The following IL7 variants were observed in gnomAD, a reference collection of about 807,000 sequenced individuals.
The protein encoded by IL7 is interleukin 7.
In IL7, 3 loss-of-function variants were observed where a neutral mutation model predicts 21.6. The observed-to-expected ratio is 0.14, with a 90% CI of 0.06 to 0.36. The LOEUF is 0.36. Among genes scored for constraint, IL7 ranks in the 10% least tolerant of loss-of-function variants. IL7 has a pLI of 1.00. For synonymous variants in IL7, 62 were observed against 68.1 expected, an observed-to-expected ratio of 0.91 and a Z score of 0.44; for missense variants, 175 against 200.2, an observed-to-expected ratio of 0.87 and a Z score of 0.76.
At chr8:78,690,271 CT>C (rs1563628576) in intron 3 of IL7, among the ~76,000 whole-genome samples, 1 of 152,126 alleles carries the variant, frequency 6.6e-6, no homozygotes, top group Non-Finnish European at 1.5e-5. Flanking sequence ...TTAAAATTTT[CT>C]TTGGCAGCCG....
downstream of IL7, among the ~76,000 whole-genome samples, chr8:78,713,045 C>G (rs143664677): frequency 3.2e-4 from 48 of 152,194 alleles, no homozygotes; most frequent in East Asian, 8.9e-3. Flanking sequence ...TTTGCTGATT[C>G]TACTGTCAGA....
At chr8:78,724,623 T>C (rs1170630137) in intron 3 of IL7, among the ~76,000 whole-genome samples, 1 of 152,098 alleles carries the variant, frequency 6.6e-6, no homozygotes, top group African/African-American at 2.4e-5. Flanking sequence ...TTTGGAAACA[T>C]GCTATTCAAT....
At chr8:78,760,751 G>A in intron 2 of IL7, 1 of 1,552,342 alleles carries the variant, frequency 6.4e-7, no homozygotes, top group Non-Finnish European at 8.7e-7. Context: ...ACCCTGGTGA[G>A]CTCTGCGGAA....
chr8:78,794,220 A>T (rs1272375804), intron 2 of IL7, among the ~76,000 whole-genome samples: 1 of 152,112 alleles, frequency 6.6e-6, no homozygotes, highest in African/African-American at 2.4e-5. Context: ...ACAAGGTTTC[A>T]ATTCTTTGCC....
At position 78,766,986 on chromosome 8, in the gene IL7, A is replaced by C. The variant is rs548211959; in HGVS notation, c.148-26904T>G. 2.6e-5 allele frequency among the ~76,000 whole-genome samples: 4 copies of C among 152,252 alleles called. No individual in the cohort carries two copies. The East Asian group carries it at 7.7e-4, about 29-fold the overall frequency. On this transcript the variant is annotated intron_variant, in intron 2 of 5. Transcript: ENST00000263851. Reference sequence around the variant, plus strand: ...TTTTACCAATCCTGAGAAGTAAAAAATTATGCCTCATTATAGCTTACATTT... The same window carrying C: ...TTTTACCAATCCTGAGAAGTAAAAACTTATGCCTCATTATAGCTTACATTT...
intron 3 of IL7, among the ~76,000 whole-genome samples, chr8:78,704,307 G>A (rs995260312): frequency 2.0e-5 from 3 of 148,278 alleles, no homozygotes; most frequent in Middle Eastern, 3.5e-3. Flanking sequence ...AGAATTGCTC[G>A]AACCCAGGAG....
At chr8:78,747,160 T>G (rs1030807782) in intron 2 of IL7, 45 of 445,980 alleles carry the variant, frequency 1.0e-4, no homozygotes, top group Non-Finnish European at 1.7e-4. Flanking sequence ...ATAAATAAAG[T>G]TGGTCCCTAT....
intron 5 of IL7, among the ~76,000 whole-genome samples, chr8:78,720,584 A>AT (rs547281938): frequency 3.3e-5 from 5 of 151,778 alleles, no homozygotes; most frequent in Non-Finnish European, 7.4e-5. Context: ...TATACATATG[A>AT]TTTTTTGACA....
chr8:78,715,402 A>G (rs1811069949), downstream of IL7: 6 of 1,329,678 alleles, frequency 4.5e-6, no homozygotes, highest in South Asian at 8.7e-5. Context: ...ACCATACACA[A>G]AAGTAAGTAA....
At chr8:78,761,003 G>T in intron 2 of IL7, 1 of 1,605,020 alleles carries the variant, frequency 6.2e-7, no homozygotes, top group Non-Finnish European at 8.5e-7. Flanking sequence ...ATCAAAATCT[G>T]TTACTGCACT....
chr8:78,680,197 A>G (rs769306948), intron 4 of IL7, among the ~76,000 whole-genome samples: 2 of 148,620 alleles, frequency 1.3e-5, no homozygotes, highest in Non-Finnish European at 3.0e-5. Flanking sequence ...TTTATAAGGA[A>G]TTGGGGTTGT....
chr8:78,712,109 A>G (rs746691529), intron 3 of IL7: 2 of 1,274,326 alleles, frequency 1.6e-6, no homozygotes, highest in South Asian at 2.5e-5. Context: ...ATTTACAAGT[A>G]AGTATTTGTA....
chr8:78,719,323 A>C (rs984957792), intron 5 of IL7: 1 of 151,768 alleles, frequency 6.6e-6, no homozygotes, highest in Non-Finnish European at 1.5e-5. Context: ...TGAATTTTAC[A>C]GTAGTAAATT....
chr8:78,698,800 A>C (rs1024700705), intron 3 of IL7, among the ~76,000 whole-genome samples: 1 of 152,192 alleles, frequency 6.6e-6, no homozygotes, highest in Non-Finnish European at 1.5e-5. Context: ...GACGATTTTT[A>C]TACTAACTAT....
At chr8:78,688,184 A>ATT (rs1206142162) in intron 3 of IL7, among the ~76,000 whole-genome samples, 3 of 151,468 alleles carry the variant, frequency 2.0e-5, no homozygotes, top group Non-Finnish European at 4.4e-5. Context: ...ACTACCTTTT[A>ATT]TTTTCTTCAT....
chr8:78,736,319 A>G (rs2130673298), intron 5 of IL7, among the ~76,000 whole-genome samples, 155 bp downstream of exon 5: 1 of 152,106 alleles, frequency 6.6e-6, no homozygotes, highest in African/African-American at 2.4e-5. Flanking sequence ...AAGGAATCAA[A>G]TTTTTGAGGG....
chr8:78,711,131 T>C (rs1810937572), intron 3 of IL7, among the ~76,000 whole-genome samples: 1 of 152,146 alleles, frequency 6.6e-6, no homozygotes, highest in African/African-American at 2.4e-5. Context: ...CAAATATCTC[T>C]TAAAAAGAAC....
rs531076881 is a variant in IL7, at chr8:78,779,605, T to A, written c.147+18467A>T. ...ATGAAGCCAACTTGATCATGGTGGA[T>A]AAGCTTTTCGATGTGCTCCTGGATT... On this transcript the variant is annotated intron_variant, in intron 2 of 5. Transcript: ENST00000263851. Among the ~76,000 whole-genome samples the A allele has an allele frequency of 5.9e-5, 9 of 152,322 alleles. No homozygotes were observed. In the South Asian group the frequency reaches 1.7e-3, roughly 28 times the overall value.
At chr8:78,729,323 A>G (rs1340409513), downstream of IL7, among the ~76,000 whole-genome samples, 3 of 152,030 alleles carry the variant, frequency 2.0e-5, no homozygotes, top group African/African-American at 4.8e-5. Flanking sequence ...GAACTGGCAC[A>G]CTAGAGATGG....
Sources: allele counts gnomAD v4.1 joint callset (sites outside exome capture counted in the v4.1 genomes callset), GRCh38; gene constraint gnomAD v4.1.1; transcripts MANE v1.5; gene names NCBI Gene and HGNC (gene_info 2026-07-23, HGNC 2026-07-21).